SOD2: variants seen among roughly 807,000 people sequenced by gnomAD.
SOD2 encodes superoxide dismutase [Mn], mitochondrial.
A neutral mutation model predicts 27.0 loss-of-function variants in SOD2; 11 were observed. The ratio of observed to expected loss-of-function variants is 0.41; its 90% CI spans 0.26 to 0.67. The LOEUF is 0.67. SOD2 is among the 30% of genes least tolerant of loss of function. SOD2 has a pLI of 0.34. For synonymous variants in SOD2, 105 were observed against 103.0 expected (o/e 1.02, Z -0.12); for missense variants, 250 against 274.5 (o/e 0.91, Z 0.63).
At chr6:159,724,541 AT>A (rs959002329) in intron 1 of SOD2, among the ~76,000 whole-genome samples, 2 of 152,014 alleles carry the variant, frequency 1.3e-5, no homozygotes, top group African/African-American at 4.8e-5. Context: ...CTATATGTGG[AT>A]TTTTTTCACC....
chr6:159,692,353 C>G, intron 2 of SOD2: 1 of 1,198,128 alleles, frequency 8.3e-7, no homozygotes, highest in African/African-American at 1.6e-5. Flanking sequence ...GCTTTCTTTT[C>G]AGGCCCTACA....
intron 3 of SOD2, among the ~76,000 whole-genome samples, 157 bp downstream of exon 3, chr6:159,687,969 C>T (rs1458935629): frequency 6.6e-6 from 1 of 152,126 alleles, no homozygotes; most frequent in Non-Finnish European, 1.5e-5. Context: ...CAAGACTGCG[C>T]CACTGTACTC....
At chr6:159,703,939 A>G (rs1477990715) in intron 1 of SOD2, among the ~76,000 whole-genome samples, 1 of 152,250 alleles carries the variant, frequency 6.6e-6, no homozygotes, top group Middle Eastern at 3.2e-3. Context: ...CCACTGTTAC[A>G]GTAAGCATGT....
chr6:159,758,879 C>T (rs1173190798), intron 1 of SOD2, among the ~76,000 whole-genome samples: 2 of 152,094 alleles, frequency 1.3e-5, no homozygotes, highest in Non-Finnish European at 2.9e-5. Flanking sequence ...AGAATGATTG[C>T]ATCTTCCAGC....
chr6:159,697,472 G>T (rs1777444175), upstream of SOD2, among the ~76,000 whole-genome samples: 1 of 152,126 alleles, frequency 6.6e-6, no homozygotes, highest in East Asian at 1.9e-4. Flanking sequence ...GTTTCAATGT[G>T]AGCTTAATTT....
At chr6:159,713,669 G>A (rs778374133) in intron 1 of SOD2, 20 of 971,188 alleles carry the variant, frequency 2.1e-5, no homozygotes, top group African/African-American at 6.4e-5. Flanking sequence ...CGAAGCCATC[G>A]TTGGCAGTAT....
At chr6:159,753,791 A>G (rs1779904635) in intron 1 of SOD2, among the ~76,000 whole-genome samples, 1 of 151,996 alleles carries the variant, frequency 6.6e-6, no homozygotes, top group Non-Finnish European at 1.5e-5. Flanking sequence ...ATATAATTTT[A>G]GTTTGTTTAT....
intron 1 of SOD2, chr6:159,755,452 C>T (rs1395741632): frequency 6.2e-7 from 1 of 1,614,148 alleles, no homozygotes; most frequent in Admixed American, 1.7e-5. Context: ...CTCCCACGGG[C>T]AGTGAAAACT....
rs1310395880 is a variant in SOD2 at position 159,712,428 on chromosome 6, CATA to C, written c.-116+14698_-116+14700del. 6.8e-5 allele frequency among the ~76,000 whole-genome samples: 5 copies of C among 73,822 alleles called. 1 individual carries two copies. The highest frequency in any genetic ancestry group is 3.1e-4 in the East Asian group (1 of 3,246). The allele number at this position is 73,822 out of a possible 152,430, so 48.4% of individuals were successfully genotyped here. A position where few individuals can be genotyped will look rare whatever the true frequency, so the allele number is the denominator to read the frequency against. On this transcript the variant is annotated intron_variant, in intron 1 of 2. Coordinates refer to the SOD2 transcript ENST00000401980. ...CTGCTCTGATCACCATAACCACCTC[CATA>C]ACCACCACTCACACTGCTCAGACCT...
Position 159,677,372 on chromosome 6 carries a change from T to C in SOD2, c.*5121A>G, listed in dbSNP as rs997958898. ...ACTCTCATTACTGTAAAGCCCACAA[T>C]GAATAGCAGACAGCATGACTTCACC... On this transcript the variant is annotated 3_prime_UTR_variant, in exon 5 of 5. Coordinates refer to ENST00000538183, the MANE Select transcript of SOD2 (RefSeq NM_000636.4). 3 of 152,144 alleles carry C rather than the reference T, an allele frequency of 2.0e-5. No individual in the cohort carries two copies. The highest frequency in any genetic ancestry group is 2.0e-4 in the Admixed American group (3 of 15,266). The allele number at this position is 152,144 out of a possible 1,614,324, so 9.4% of individuals were successfully genotyped here. A position where few individuals can be genotyped will look rare whatever the true frequency, so the allele number is the denominator to read the frequency against.
At chr6:159,693,282 GAGCAGGGCCGCGACCCC>G, upstream of SOD2, 1 of 899,740 alleles carries the variant, frequency 1.1e-6, no homozygotes, top group Non-Finnish European at 1.6e-6. Context: ...AAAGCGCGGG[GAGCAGGGCCGCGACCCC>G]AGCTGCGCCG....
At chr6:159,743,550 AG>A in intron 1 of SOD2, 1 of 1,003,226 alleles carries the variant, frequency 1.0e-6, no homozygotes, top group Non-Finnish European at 1.4e-6. Flanking sequence ...AAAAGTAGTT[AG>A]GATGGAAACT....
intron 1 of SOD2, chr6:159,742,071 G>A: frequency 6.4e-7 from 1 of 1,574,102 alleles, no homozygotes; most frequent in Non-Finnish European, 8.7e-7. Context: ...ACTAATGTAT[G>A]GATTTTTTTT....
In SOD2 at chr6:159,713,448, G is replaced by T. The variant is rs971608352; in HGVS notation, c.-116+13681C>A. 12 of 650,748 alleles carry T rather than the reference G, an allele frequency of 1.8e-5. No individual in the cohort carries two copies. The African/African-American group carries it at 2.2e-4, about 12-fold the overall frequency. 40.3% of individuals were successfully genotyped at this position (650,748 alleles called of 1,614,324 possible). On this transcript the variant is annotated intron_variant, in intron 1 of 2. Coordinates refer to the SOD2 transcript ENST00000401980. ...GAACTTCAGCTTGGCTATTCTAGAA[G>T]ATTTCAATGTACCTGTGCCCTATTC...
chr6:159,747,028 G>T (rs930865353), upstream of SOD2, among the ~76,000 whole-genome samples: 4 of 152,094 alleles, frequency 2.6e-5, no homozygotes, highest in Non-Finnish European at 5.9e-5. Flanking sequence ...CTATGCAGTT[G>T]TACTAGATTT....
In SOD2 at chr6:159,676,473, CCTT is replaced by C. The variant is rs1779782495; in HGVS notation, c.*6017_*6019del. 1 of 152,104 alleles carries C rather than the reference CCTT, an allele frequency of 6.6e-6. No homozygotes were observed. Among genetic ancestry groups the C allele is most frequent in the South Asian group, 2.1e-4 (1 of 4,834 alleles). 9.4% of individuals were successfully genotyped at this position (152,104 alleles called of 1,614,324 possible). On this transcript the variant is annotated 3_prime_UTR_variant, in exon 5 of 5. Transcript: ENST00000538183. ...GGACATGGATGAAGCTGGAAACCAT[CCTT>C]CTCAGCAAACTATTCCAAGGACAAA...
At chr6:159,732,156 TGA>T (rs1455887349), upstream of SOD2, among the ~76,000 whole-genome samples, 1 of 152,178 alleles carries the variant, frequency 6.6e-6, no homozygotes, top group Non-Finnish European at 1.5e-5. Context: ...TTTTTTAATC[TGA>T]GTTTGATTGA....
At chr6:159,746,141 C>T (rs1446832995), upstream of SOD2, among the ~76,000 whole-genome samples, 3 of 152,070 alleles carry the variant, frequency 2.0e-5, no homozygotes, top group Admixed American at 6.6e-5. Flanking sequence ...TAAAATTGTT[C>T]GTTAGATTTG....
intron 1 of SOD2, among the ~76,000 whole-genome samples, chr6:159,703,001 G>A (rs1777554558): frequency 6.6e-6 from 1 of 151,594 alleles, no homozygotes; most frequent in African/African-American, 2.4e-5. Flanking sequence ...CTGGCCAACA[G>A]TGAAACCTCA....
Sources: allele counts gnomAD v4.1 joint callset (sites outside exome capture counted in the v4.1 genomes callset), GRCh38; gene constraint gnomAD v4.1.1; transcripts MANE v1.5; gene names NCBI Gene and HGNC (gene_info 2026-07-23, HGNC 2026-07-21).